Variants in LINGO2 observed in about 807,000 individuals in gnomAD.
The protein encoded by LINGO2 is leucine-rich repeat and immunoglobulin-like domain-containing nogo receptor-interacting protein 2.
Under a neutral mutation model 30.6 loss-of-function variants are expected in LINGO2, and 14 were observed. That is an observed-to-expected ratio of 0.46 (90% CI 0.30 to 0.72). The LOEUF (loss-of-function observed/expected upper bound fraction) is 0.72, where lower values mean the gene tolerates loss of function less well. Among genes scored for constraint, LINGO2 ranks in the 30% least tolerant of loss-of-function variants. The pLI is 0.07. For synonymous variants in LINGO2, 317 were observed against 288.5 expected (o/e 1.10, Z -1.00); for missense variants, 729 against 751.7 (o/e 0.97, Z 0.35).
intron 3 of LINGO2, among the ~76,000 whole-genome samples, chr9:28,309,850 A>G (rs1824540553): frequency 6.6e-6 from 1 of 152,086 alleles, no homozygotes; most frequent in East Asian, 1.9e-4. Context: ...AAGGTAAAAG[A>G]GTTGATTTCA....
chr9:28,138,893 T>G (rs1167727226), intron 4 of LINGO2, among the ~76,000 whole-genome samples: 5 of 152,174 alleles, frequency 3.3e-5, no homozygotes, highest in Non-Finnish European at 7.3e-5. Flanking sequence ...GAGAGAAGTA[T>G]CAACCCAGTT....
At chr9:28,731,177 C>T in the LINGO2 span, among the ~76,000 whole-genome samples, 3 of 151,976 alleles carry the variant, frequency 2.0e-5, no homozygotes, top group East Asian at 1.9e-4. Context: ...TTAGTAGAGG[C>T]GAGATTTCTC....
At chr9:28,310,637 T>C (rs907618930) in intron 3 of LINGO2, among the ~76,000 whole-genome samples, 3 of 152,196 alleles carry the variant, frequency 2.0e-5, no homozygotes, top group Non-Finnish European at 4.4e-5. Flanking sequence ...ATACGTTCAT[T>C]ATTTTAACTG....
At chr9:28,580,301 C>T (rs144020221) in intron 1 of LINGO2, among the ~76,000 whole-genome samples, 1 of 152,152 alleles carries the variant, frequency 6.6e-6, no homozygotes, top group African/African-American at 2.4e-5. Flanking sequence ...AAGCCACTCT[C>T]TTTACAATTG....
At chr9:28,359,196 A>C (rs948336960) in intron 3 of LINGO2, among the ~76,000 whole-genome samples, 2 of 152,174 alleles carry the variant, frequency 1.3e-5, no homozygotes, top group African/African-American at 2.4e-5. Context: ...TTTGCAATGT[A>C]GGGGAGAACT....
Position 28,597,352 on chromosome 9 carries a change from C to T in LINGO2, c.-365+72848G>A, listed in dbSNP as rs967606307. Among the ~76,000 whole-genome samples the T allele has an allele frequency of 3.9e-5, 6 of 152,084 alleles. No homozygotes were observed. In the East Asian group the frequency reaches 9.7e-4, roughly 25 times the overall value. On this transcript the variant is annotated intron_variant, in intron 1 of 5. Coordinates refer to ENST00000379992, the Ensembl canonical transcript of LINGO2. ...TAACCAGAAATGCAATCAGAAGTGC[C>T]GAAGTGAAGAAAGAGCTATTAATAG... is the stretch of plus-strand genomic sequence containing the variant.
At chr9:28,182,618 GA>G (rs1175323561) in intron 4 of LINGO2, among the ~76,000 whole-genome samples, 5 of 151,832 alleles carry the variant, frequency 3.3e-5, no homozygotes, top group Non-Finnish European at 7.4e-5. Flanking sequence ...AAATTTACAA[GA>G]AAAAAACCCT....
At chr9:29,079,884 G>C in the LINGO2 span, among the ~76,000 whole-genome samples, 9 of 151,942 alleles carry the variant, frequency 5.9e-5, no homozygotes, top group African/African-American at 9.7e-5. Flanking sequence ...AAGAAAAATA[G>C]TTTATTATTT....
the LINGO2 span, among the ~76,000 whole-genome samples, chr9:29,061,045 C>A: frequency 6.6e-6 from 1 of 151,556 alleles, no homozygotes; most frequent in Non-Finnish European, 1.5e-5. Flanking sequence ...CTGGCAGACT[C>A]AAAACAAGAT....
chr9:28,282,677 C>T (rs929022188), intron 4 of LINGO2, among the ~76,000 whole-genome samples: 5 of 152,100 alleles, frequency 3.3e-5, no homozygotes, highest in African/African-American at 1.2e-4. Flanking sequence ...TTTGCATCAA[C>T]TATGCCCTGG....
At position 28,574,632 on chromosome 9, in the gene LINGO2, A is replaced by AT. The variant is rs560567975; in HGVS notation, c.-365+95567dup. Among the ~76,000 whole-genome samples the AT allele has an allele frequency of 4.3e-4, 66 of 152,114 alleles. No individual in the cohort carries two copies. The South Asian group carries it at 8.7e-3, about 20-fold the overall frequency. On this transcript the variant is annotated intron_variant, in intron 1 of 5. Transcript: ENST00000379992. ...ACTCTATATTTTTTCCATTATTATT[A>AT]TTTTTTTCAGGTGAATATTTGAAAG...
the LINGO2 span, among the ~76,000 whole-genome samples, chr9:28,682,235 T>C: frequency 1.3e-5 from 2 of 152,174 alleles, no homozygotes; most frequent in Non-Finnish European, 2.9e-5. Flanking sequence ...ACTGGAGCAT[T>C]ACTGAAGCCC....
At chr9:28,920,748 A>T in the LINGO2 span, among the ~76,000 whole-genome samples, 1 of 152,156 alleles carries the variant, frequency 6.6e-6, no homozygotes, top group Admixed American at 6.6e-5. Context: ...ACACGCACAC[A>T]AATCTACATA....
the LINGO2 span, among the ~76,000 whole-genome samples, chr9:29,106,801 A>G: frequency 6.6e-6 from 1 of 152,184 alleles, no homozygotes; most frequent in Non-Finnish European, 1.5e-5. Context: ...ATTGCAAATG[A>G]GGGAACTGAA....
intron 1 of LINGO2, among the ~76,000 whole-genome samples, chr9:28,517,731 T>A (rs1820676072): frequency 6.6e-6 from 1 of 152,160 alleles, no homozygotes; most frequent in Non-Finnish European, 1.5e-5. Flanking sequence ...TCAAGCAACA[T>A]TAGTACTTCT....
At chr9:28,668,681 G>C (rs908533753) in intron 1 of LINGO2, among the ~76,000 whole-genome samples, 4 of 151,968 alleles carry the variant, frequency 2.6e-5, no homozygotes, top group Non-Finnish European at 5.9e-5. Context: ...TAATTTACCA[G>C]GATTACTTAA....
the LINGO2 span, among the ~76,000 whole-genome samples, chr9:28,760,915 C>CGT: frequency 4.1e-3 from 584 of 141,792 alleles, 4 homozygotes; most frequent in African/African-American, 0.011. Flanking sequence ...TATATACGTA[C>CGT]GTGTGTGTGT....
the LINGO2 span, among the ~76,000 whole-genome samples, chr9:29,013,803 T>C: frequency 6.6e-6 from 1 of 152,198 alleles, no homozygotes; most frequent in Non-Finnish European, 1.5e-5. Context: ...ATGCCCATGA[T>C]ATATTTTCAT....
At chr9:28,678,051 C>T in the LINGO2 span, among the ~76,000 whole-genome samples, 2 of 151,208 alleles carry the variant, frequency 1.3e-5, no homozygotes, top group Non-Finnish European at 1.5e-5. Flanking sequence ...CCTGCCCTTT[C>T]AATCTATTCT....
Sources: allele counts gnomAD v4.1 joint callset (sites outside exome capture counted in the v4.1 genomes callset), GRCh38; gene constraint gnomAD v4.1.1; transcripts MANE v1.5; gene names NCBI Gene and HGNC (gene_info 2026-07-23, HGNC 2026-07-21).